RANBP2: variants seen among roughly 807,000 people sequenced by gnomAD.
The protein encoded by RANBP2 is RAN binding protein 2.
In RANBP2, 57 loss-of-function variants were observed where a neutral mutation model predicts 303.6. That is an observed-to-expected ratio of 0.19 (90% CI 0.15 to 0.23). The LOEUF (loss-of-function observed/expected upper bound fraction) is 0.23, where lower values mean the gene tolerates loss of function less well. RANBP2 is among the 10% of genes least tolerant of loss of function. The probability of loss-of-function intolerance (pLI) is 1.00; values close to 1 mark genes in which losing one functional copy is unlikely to be tolerated. For missense variants in RANBP2, 3,138 were observed against 3,780.8 expected (o/e 0.83, Z 4.46); for synonymous variants, 1,167 against 1,301.5 (o/e 0.90, Z 2.23).
the RANBP2 span, among the ~76,000 whole-genome samples, chr2:109,470,958 G>A: frequency 1.3e-5 from 2 of 152,124 alleles, no homozygotes; most frequent in South Asian, 2.1e-4. Flanking sequence ...GGTGGCTCAC[G>A]CCTGTAATCC....
the RANBP2 span, among the ~76,000 whole-genome samples, chr2:109,113,391 A>T: frequency 2.6e-5 from 4 of 151,958 alleles, no homozygotes; most frequent in African/African-American, 9.7e-5. Context: ...ATTCTCTTTG[A>T]AGCAATTGTG....
rs757404634 is a variant in RANBP2, at chr2:108,755,203, G to A, written c.2410G>A (p.Ala804Thr). 12 of 1,611,632 alleles carry A rather than the reference G, an allele frequency of 7.4e-6. No individual in the cohort carries two copies. Among genetic ancestry groups the A allele is most frequent in the African/African-American group, 5.3e-5 (4 of 74,768 alleles). Residue 804 changes from alanine (A) to threonine (T), a missense_variant, in exon 17 of 29, where the codon GCA (alanine) becomes ACA (threonine). Physicochemically the swap from Ala to Thr is moderately conservative, Grantham distance 58. Transcript: ENST00000283195. Reference protein sequence around the residue: ...KYSPKTPPRWAEDQNSLLKMI... With the variant: ...KYSPKTPPRWTEDQNSLLKMI... ...TTCTCCCAAAACACCACCTCGATGGGCAGAAGATCAGAATTCTTTACTGAA... is the reference window on the plus strand; with the variant it reads ...TTCTCCCAAAACACCACCTCGATGGACAGAAGATCAGAATTCTTTACTGAA...
chr2:109,401,532 G>A, the RANBP2 span, among the ~76,000 whole-genome samples: 1 of 152,224 alleles, frequency 6.6e-6, no homozygotes, highest in Non-Finnish European at 1.5e-5. Flanking sequence ...TATCTGGCCT[G>A]TGTCCTGTAA....
chr2:109,358,591 G>A, the RANBP2 span, among the ~76,000 whole-genome samples: 1 of 152,204 alleles, frequency 6.6e-6, no homozygotes, highest in South Asian at 2.1e-4. Context: ...TTGGTGAAGT[G>A]TCTTCTTTGG....
In RANBP2 at chr2:108,753,109, C is replaced by T. The variant is rs570157899; in HGVS notation, c.1867C>T (p.Pro623Ser). 1 of 1,610,462 alleles carries T rather than the reference C, an allele frequency of 6.2e-7. No homozygotes were observed. Among genetic ancestry groups the T allele is most frequent in the East Asian group, 2.2e-5 (1 of 44,774 alleles). ...LKIIKKKNSI[P>S]EPIDPLFKHF... ...GATAATAAAAAAGAAGAACAGTATT[C>T]CTGAACCTATTGATCCTCTGTTTAA... The change falls in exon 13 of 29, where the codon CCT becomes TCT. Residue 623 changes from proline (P) to serine (S), a missense_variant. Physicochemically the swap from Pro to Ser is moderately conservative, Grantham distance 74 (BLOSUM62 -1). This residue lies in a region of RANBP2 where 162 missense variants were observed against 286.9 expected (regional missense o/e 0.56). Coordinates refer to ENST00000283195, the MANE Select transcript of RANBP2 (RefSeq NM_006267.5).
chr2:109,242,878 A>G, the RANBP2 span, among the ~76,000 whole-genome samples: 2 of 152,210 alleles, frequency 1.3e-5, no homozygotes, highest in African/African-American at 4.8e-5. Context: ...ATTCTCACAA[A>G]GGGAACAGGC....
At chr2:109,067,246 T>C in the RANBP2 span, among the ~76,000 whole-genome samples, 1 of 152,206 alleles carries the variant, frequency 6.6e-6, no homozygotes, top group Non-Finnish European at 1.5e-5. Flanking sequence ...GGAAGGCCAC[T>C]GCAATAAGGA....
At chr2:109,599,038 TAAAA>T in the RANBP2 span, among the ~76,000 whole-genome samples, 1 of 152,272 alleles carries the variant, frequency 6.6e-6, no homozygotes, top group South Asian at 2.1e-4. Context: ...AAATTCAAGT[TAAAA>T]TAAAGTTACA....
chr2:109,762,360 A>G, the RANBP2 span, among the ~76,000 whole-genome samples: 6 of 150,388 alleles, frequency 4.0e-5, no homozygotes, highest in African/African-American at 1.5e-4. Flanking sequence ...CGCAAATTCA[A>G]TAGCTTTCCA....
intron 15 of RANBP2, 43 bp from the exon 16 acceptor site, chr2:108,754,862 T>G (rs1437602889): frequency 1.2e-6 from 2 of 1,607,692 alleles, no homozygotes; most frequent in African/African-American, 2.7e-5. Flanking sequence ...CTTTTGGAAT[T>G]TTTTGCAAAT....
the RANBP2 span, among the ~76,000 whole-genome samples, chr2:108,962,700 A>AGAG: frequency 1.7e-4 from 22 of 128,870 alleles, 1 homozygote; most frequent in African/African-American, 6.2e-4. Flanking sequence ...AAAAAAAAAA[A>AGAG]AGAGAGAAAG....
At chr2:108,745,633 T>C (rs1433441809) in intron 7 of RANBP2, among the ~76,000 whole-genome samples, 1 of 152,044 alleles carries the variant, frequency 6.6e-6, no homozygotes, top group African/African-American at 2.4e-5. Context: ...TGAGGATCTC[T>C]TTAATTTCCT....
the RANBP2 span, among the ~76,000 whole-genome samples, chr2:108,977,674 C>G: frequency 6.6e-6 from 1 of 152,080 alleles, no homozygotes; most frequent in Non-Finnish European, 1.5e-5. Context: ...CCGGCTCTCA[C>G]TAGGAGTCAC....
chr2:108,792,202 A>G, the RANBP2 span, among the ~76,000 whole-genome samples: 1 of 152,192 alleles, frequency 6.6e-6, no homozygotes, highest in Non-Finnish European at 1.5e-5. Flanking sequence ...TGAGACAACC[A>G]GAAATGGCAC....
chr2:109,296,136 G>A, the RANBP2 span, among the ~76,000 whole-genome samples: 2 of 152,170 alleles, frequency 1.3e-5, no homozygotes, highest in Middle Eastern at 3.4e-3. Context: ...TCTGTGCGCA[G>A]CCCCCAACCC....
chr2:108,765,861 A>G lies in RANBP2; in HGVS notation c.5322A>G (p.Gly1774=), dbSNP rs751590289. Residue 1774 remains glycine (G), a synonymous_variant, in exon 20 of 29, where the codon GGA becomes GGG. Transcript: ENST00000283195. ...SSEISKAPKS[G]FEGMFIRKGQ... is the part of the protein sequence containing the mutation. Reference sequence around the variant, plus strand: ...AGATAAGCAAGGCTCCAAAGAGTGGATTTGAAGGAATGTTCATCAGGAAAG... The same window carrying G: ...AGATAAGCAAGGCTCCAAAGAGTGGGTTTGAAGGAATGTTCATCAGGAAAG... The G allele has an allele frequency of 1.9e-6, 3 of 1,614,012 alleles. No homozygotes were observed. The highest frequency in any genetic ancestry group is 2.2e-5 in the East Asian group (1 of 44,880).
the RANBP2 span, chr2:108,912,569 TG>T: frequency 9.5e-7 from 1 of 1,057,560 alleles, no homozygotes; most frequent in Non-Finnish European, 1.4e-6. Context: ...TGAGGCCAGG[TG>T]GGGAAGCGCA....
chr2:108,777,330 T>TAG (rs1558937937), intron 25 of RANBP2, 99 bp downstream of exon 25: 3 of 1,009,554 alleles, frequency 3.0e-6, no homozygotes, highest in African/African-American at 1.6e-5. Flanking sequence ...GTTAGAAGTT[T>TAG]CTTCCCTTAC....
the RANBP2 span, among the ~76,000 whole-genome samples, chr2:109,103,798 CTT>C: frequency 4.8e-5 from 7 of 144,432 alleles, no homozygotes; most frequent in Admixed American, 6.9e-5. Context: ...TTTTTCTTTT[CTT>C]TTTTTTTTTT....
Sources: gnomAD v4.1 joint callset for allele counts (sites outside exome capture counted in the v4.1 genomes callset) on GRCh38, gnomAD v4.1.1 for gene constraint, gnomAD v4.1.1 regional missense constraint, MANE v1.5 for transcripts, NCBI Gene and HGNC (gene_info 2026-07-23, HGNC 2026-07-21) for gene names.